Variants in TOGARAM2 observed in about 807,000 individuals in gnomAD.
The protein encoded by TOGARAM2 is TOG array regulator of axonemal microtubules 2.
In TOGARAM2, 85 loss-of-function variants were observed where a neutral mutation model predicts 93.3. The ratio of observed to expected loss-of-function variants is 0.91; its 90% confidence interval spans 0.76 to 1.09. TOGARAM2 has a LOEUF of 1.09. Ranked by LOEUF, TOGARAM2 falls within the 50% of genes least tolerant of loss-of-function variation. TOGARAM2 has a pLI of 0.00. For synonymous variants in TOGARAM2, 593 were observed against 552.8 expected, an observed-to-expected ratio of 1.07 and a Z score of -1.02; for missense variants, 1,277 against 1,334.5, an observed-to-expected ratio of 0.96 and a Z score of 0.67.
At chr2:28,997,431 C>T (rs1424784336) in intron 2 of TOGARAM2, among the ~76,000 whole-genome samples, 1 of 152,214 alleles carries the variant, frequency 6.6e-6, no homozygotes, top group African/African-American at 2.4e-5. Flanking sequence ...GGCTCCCAGG[C>T]CCCGCACTGT....
At chr2:29,047,446 A>C (rs1438678252) in intron 19 of TOGARAM2, 1 of 152,244 alleles carries the variant, frequency 6.6e-6, no homozygotes, top group Non-Finnish European at 1.5e-5. Flanking sequence ...GTCTTCTGTT[A>C]ACTCTGTGTC....
intron 14 of TOGARAM2, among the ~76,000 whole-genome samples, chr2:29,031,193 A>G (rs113425040): frequency 1.3e-5 from 2 of 152,194 alleles, no homozygotes; most frequent in African/African-American, 4.8e-5. Context: ...GGGTCTTGCT[A>G]TGTTGCCCAG....
At chr2:29,005,376 A>ATTTC (rs1673663240) in intron 6 of TOGARAM2, among the ~76,000 whole-genome samples, 1 of 143,368 alleles carries the variant, frequency 7.0e-6, no homozygotes, top group African/African-American at 2.7e-5. Flanking sequence ...GAGAACGTGC[A>ATTTC]TGTATGTGGG....
intron 10 of TOGARAM2, 40 bp from the exon 11 acceptor site, chr2:29,022,118 C>T: frequency 1.2e-6 from 2 of 1,613,154 alleles, no homozygotes; most frequent in African/African-American, 1.3e-5. Context: ...CTTGCCTGTC[C>T]TGCTGCGTGA....
In TOGARAM2 at chr2:28,974,143, T is replaced by TTTC. The variant is rs1553333698; in HGVS notation, c.-147+17446_-147+17447insTTC. Among the ~76,000 whole-genome samples the TTTC allele has an allele frequency of 3.3e-5, 5 of 151,090 alleles. No homozygotes were observed. In the East Asian group the frequency reaches 5.8e-4, roughly 18 times the overall value. On this transcript the variant is annotated intron_variant, in intron 1 of 6. Transcript: ENST00000401723. The stretch of plus-strand genomic sequence containing the variant: ...TAATATATCCTTTTTTTTTTTTTTT[T>TTTC]CTGAGGCGAAGTCTCTCTCTGTCAC...
intron 14 of TOGARAM2, among the ~76,000 whole-genome samples, chr2:29,029,833 T>A (rs1665656258): frequency 6.6e-6 from 1 of 151,368 alleles, no homozygotes; most frequent in African/African-American, 2.4e-5. Flanking sequence ...GATGAAAGGC[T>A]GCAAATAGGG....
At chr2:29,028,699 G>T (rs1665561808) in intron 14 of TOGARAM2, among the ~76,000 whole-genome samples, 1 of 152,194 alleles carries the variant, frequency 6.6e-6, no homozygotes, top group South Asian at 2.1e-4. Flanking sequence ...GATGATGGCT[G>T]CCCCACAGTC....
At chr2:29,042,558 G>T (rs972822055) in intron 18 of TOGARAM2, among the ~76,000 whole-genome samples, 3 of 152,204 alleles carry the variant, frequency 2.0e-5, no homozygotes, top group African/African-American at 7.2e-5. Context: ...GGGGCTACAG[G>T]CAGGTGAAAG....
chr2:28,965,359 C>T (rs1012106613), intron 1 of TOGARAM2, among the ~76,000 whole-genome samples: 1 of 152,116 alleles, frequency 6.6e-6, no homozygotes, highest in South Asian at 2.1e-4. Context: ...CTTCTCATGA[C>T]TTTTGGATTG....
intron 6 of TOGARAM2, among the ~76,000 whole-genome samples, chr2:29,004,718 G>T (rs1447392085): frequency 1.4e-5 from 2 of 146,218 alleles, no homozygotes; most frequent in Non-Finnish European, 3.0e-5. Flanking sequence ...GTCTGAGTAT[G>T]TGTATATGTG....
At chr2:28,970,819 G>A (rs1671939250) in intron 1 of TOGARAM2, 1 of 152,230 alleles carries the variant, frequency 6.6e-6, no homozygotes, top group African/African-American at 2.4e-5. Flanking sequence ...GCTACTGACA[G>A]ATACCAAAAA....
intron 15 of TOGARAM2, 40 bp from the exon 16 acceptor site, chr2:29,033,429 C>T: frequency 6.4e-7 from 1 of 1,560,748 alleles, no homozygotes; most frequent in Non-Finnish European, 8.8e-7. Context: ...CCCTGGAGGG[C>T]CACTCCTTTT....
chr2:29,036,695 C>G lies in TOGARAM2; in HGVS notation c.2573C>G (p.Ser858Cys), dbSNP rs928893641. 9 of 1,613,862 alleles carry G rather than the reference C, an allele frequency of 5.6e-6. No homozygotes were observed. The highest frequency in any genetic ancestry group is 7.6e-6 in the Non-Finnish European group (9 of 1,179,886). Residue 858 changes from serine to cysteine, a missense_variant, in exon 18 of 20, where the codon TCC (serine) becomes TGC (cysteine). Coordinates refer to ENST00000379558, the MANE Select transcript of TOGARAM2 (RefSeq NM_199280.4). ...IIITVADNLNSKNSGIYAAAV... is the reference protein window; with the variant it reads ...IIITVADNLNCKNSGIYAAAV... ...ATCACTGTTGCAGACAACCTCAACT[C>G]CAAGAACTCAGGGATTTACGCTGCT...
chr2:28,994,718 C>A lies in TOGARAM2; in HGVS notation c.-110-7C>A. ...TACTGACTTCTCCTTTCTCCTCTCACCCTTAGGTCCCGGATGTTACAGGTC... is the reference window on the plus strand; with the variant it reads ...TACTGACTTCTCCTTTCTCCTCTCAACCTTAGGTCCCGGATGTTACAGGTC... On this transcript the variant is annotated splice_polypyrimidine_tract_variant and splice_region_variant and intron_variant, in intron 1 of 19. Coordinates refer to ENST00000379558, the MANE Select transcript of TOGARAM2 (RefSeq NM_199280.4). The A allele has an allele frequency of 9.6e-7, 1 of 1,036,474 alleles. No homozygotes were observed. The highest frequency in any genetic ancestry group is 1.4e-6 in the Non-Finnish European group (1 of 690,820). 64.2% of individuals were successfully genotyped at this position (1,036,474 alleles called of 1,614,324 possible).
intron 19 of TOGARAM2, 159 bp downstream of exon 19, chr2:29,045,569 C>T (rs1666697338): frequency 6.1e-6 from 4 of 660,968 alleles, no homozygotes; most frequent in Non-Finnish European, 1.1e-5. Context: ...TGACAATCTC[C>T]ATATTGCCAG....
At chr2:28,976,869 C>T (rs577969736), upstream of TOGARAM2, among the ~76,000 whole-genome samples, 10 of 152,370 alleles carry the variant, frequency 6.6e-5, no homozygotes, top group East Asian at 1.7e-3. Context: ...CACCCCCACC[C>T]AGCCTGTGGT....
intron 1 of TOGARAM2, among the ~76,000 whole-genome samples, chr2:28,964,137 T>G (rs1671836105): frequency 6.6e-6 from 1 of 152,218 alleles, no homozygotes; most frequent in African/African-American, 2.4e-5. Context: ...ATTACTGAAA[T>G]AGGCCTATTA....
chr2:28,958,619 T>A (rs1490958945), intron 1 of TOGARAM2, among the ~76,000 whole-genome samples: 1 of 152,066 alleles, frequency 6.6e-6, no homozygotes, highest in East Asian at 1.9e-4. Context: ...CATTTTTGGA[T>A]TTTGGAGTGC....
At chr2:29,013,455 G>T (rs1664371287) in intron 7 of TOGARAM2, among the ~76,000 whole-genome samples, 1 of 152,186 alleles carries the variant, frequency 6.6e-6, no homozygotes, top group South Asian at 2.1e-4. Flanking sequence ...AGAGAGGCTG[G>T]TAGTGGCTCA....
Sources: allele counts gnomAD v4.1 joint callset (sites outside exome capture counted in the v4.1 genomes callset), GRCh38; gene constraint gnomAD v4.1.1; transcripts MANE v1.5; gene names NCBI Gene and HGNC (gene_info 2026-07-23, HGNC 2026-07-21).